The following SYNE1 variants were observed in gnomAD, a reference collection of about 807,000 sequenced individuals.
SYNE1 encodes spectrin repeat containing nuclear envelope protein 1, also known as nesprin-1.
A neutral mutation model predicts 1,111.0 loss-of-function variants in SYNE1; 616 were observed. The observed-to-expected ratio is 0.55, with a 90% CI of 0.52 to 0.59. SYNE1 has a LOEUF of 0.59. Among genes scored for constraint, SYNE1 ranks in the 20% least tolerant of loss-of-function variants. The pLI, the probability that SYNE1 is intolerant of heterozygous loss-of-function variation, is 0.00. For missense variants in SYNE1, 10,006 were observed against 10,417.0 expected, an observed-to-expected ratio of 0.96 and a Z score of 1.72; for synonymous variants, 3,855 against 3,825.8, an observed-to-expected ratio of 1.01 and a Z score of -0.28.
chr6:152,411,151 G>A (rs948249878), intron 42 of SYNE1, among the ~76,000 whole-genome samples: 1 of 152,068 alleles, frequency 6.6e-6, no homozygotes, highest in African/African-American at 2.4e-5. Context: ...AATTGTTCTA[G>A]TACCATTTAT....
chr6:152,448,453 G>A (rs1443027731), intron 28 of SYNE1, among the ~76,000 whole-genome samples: 3 of 152,030 alleles, frequency 2.0e-5, no homozygotes, highest in East Asian at 1.9e-4. Context: ...TTTTTTGTGC[G>A]ATGCAAGCAA....
chr6:152,385,696 TG>T lies in SYNE1; in HGVS notation c.8629del (p.Gln2877ArgfsTer10). ...SDMSGDSSAT[Q>X]KKLSKIKELI... ...GACCTTAATTTTTGATAACTTTTTC[TG>T]GGTGGCTGATGAATCTCCAGACATA... On this transcript the variant is annotated frameshift_variant, in exon 55 of 146. Coordinates refer to ENST00000367255, the MANE Select transcript of SYNE1 (RefSeq NM_182961.4). LOFTEE classifies it high-confidence loss of function. The T allele has an allele frequency of 6.2e-7, 1 of 1,614,172 alleles. No individual in the cohort carries two copies. Among genetic ancestry groups the T allele is most frequent in the Non-Finnish European group, 8.5e-7 (1 of 1,180,004 alleles).
At chr6:152,231,045 G>A (rs555479123) in intron 114 of SYNE1, among the ~76,000 whole-genome samples, 36 of 152,226 alleles carry the variant, frequency 2.4e-4, no homozygotes, top group African/African-American at 7.7e-4. Flanking sequence ...TGCAGCCCGC[G>A]GGCTGGGCAA....
Position 152,214,887 on chromosome 6 carries a change from C to T in SYNE1, c.22346+19G>A. 1 of 1,613,886 alleles carries T rather than the reference C, an allele frequency of 6.2e-7. No homozygotes were observed. The highest frequency in any genetic ancestry group is 1.1e-5 in the South Asian group (1 of 91,082). The stretch of plus-strand genomic sequence containing the variant: ...ACTAAGACAACTGGAGCAACCAAGA[C>T]ATCTCTTGTTTACTCTACCTGAATC... On this transcript the variant is annotated intron_variant, in intron 122 of 145. Transcript: ENST00000367255.
intron 128 of SYNE1, chr6:152,185,335 T>C (rs2635438): frequency 0.063 from 9,541 of 152,384 alleles, 470 homozygotes; most frequent in African/African-American, 0.14. Flanking sequence ...TCAACTGCTT[T>C]GGTCAGAATA....
chr6:152,150,126 T>C (rs1196771739), intron 135 of SYNE1, among the ~76,000 whole-genome samples: 1 of 152,236 alleles, frequency 6.6e-6, no homozygotes, highest in Non-Finnish European at 1.5e-5. Context: ...AGCCATCCAA[T>C]GCCACGCCTT....
At chr6:152,554,608 A>G (rs1564820214) in intron 3 of SYNE1, among the ~76,000 whole-genome samples, 2 of 152,142 alleles carry the variant, frequency 1.3e-5, no homozygotes, top group Admixed American at 1.3e-4. Context: ...TTAACCAACC[A>G]AACTTGGTTG....
intron 3 of SYNE1, among the ~76,000 whole-genome samples, chr6:152,620,971 C>A (rs1413019437): frequency 1.3e-5 from 2 of 152,056 alleles, no homozygotes; most frequent in Non-Finnish European, 2.9e-5. Context: ...TCATATTGTG[C>A]TATAAAGAGC....
chr6:152,632,337 T>C (rs2129017706), intron 2 of SYNE1, among the ~76,000 whole-genome samples: 1 of 152,370 alleles, frequency 6.6e-6, no homozygotes, highest in East Asian at 1.9e-4. Flanking sequence ...ATATCCTTCC[T>C]TTTTCAGACA....
chr6:152,539,904 T>C (rs992732749), intron 4 of SYNE1, 56 bp downstream of exon 4: 1 of 1,565,942 alleles, frequency 6.4e-7, no homozygotes, highest in African/African-American at 1.4e-5. Context: ...ACTGGACATT[T>C]AATGATTTAC....
In SYNE1 at chr6:152,233,937, T is replaced by C. The variant is rs147173664; in HGVS notation, c.20556A>G (p.Gln6852=). ...TCAGAACAGATGATTTCAGGGAAGA[T>C]TGGGCATCCACTTCTTTAGAAAACT... The part of the protein sequence containing the change: ...FLEFSKEVDA[Q]SSLKSSVLST... The change falls in exon 112 of 146, where the codon CAA becomes CAG. Residue 6852 remains glutamine, a synonymous_variant. Coordinates refer to ENST00000367255, the MANE Select transcript of SYNE1 (RefSeq NM_182961.4). 1.3e-5 allele frequency: 21 copies of C among 1,614,062 alleles called. No homozygotes were observed. The highest frequency in any genetic ancestry group is 6.7e-5 in the African/African-American group (5 of 74,944).
At chr6:152,399,259 C>T (rs999296213) in intron 48 of SYNE1, among the ~76,000 whole-genome samples, 1 of 152,104 alleles carries the variant, frequency 6.6e-6, no homozygotes, top group Non-Finnish European at 1.5e-5. Flanking sequence ...TGTGTCACTT[C>T]ATCATAGCAT....
chr6:152,182,796 T>A (rs1348208743), intron 128 of SYNE1, among the ~76,000 whole-genome samples: 1 of 152,152 alleles, frequency 6.6e-6, no homozygotes, highest in African/African-American at 2.4e-5. Flanking sequence ...GTGAGCCCCA[T>A]AACCTACCAT....
chr6:152,529,531 G>A (rs1208988372), intron 4 of SYNE1, among the ~76,000 whole-genome samples: 2 of 151,858 alleles, frequency 1.3e-5, no homozygotes, highest in African/African-American at 4.8e-5. Context: ...TCAGTGTGTT[G>A]GGGGCTCCCA....
In SYNE1 at chr6:152,311,818, C is replaced by G. The variant is rs1291579229; in HGVS notation, c.16711-945G>C. On this transcript the variant is annotated intron_variant, in intron 87 of 145. Transcript: ENST00000367255. ...TGAGACGGAGTCTCGCTCTTTCGCC[C>G]AGGCTGGAGTGCAGTGGCGCAATCT... 2.0e-5 allele frequency among the ~76,000 whole-genome samples: 3 copies of G among 151,650 alleles called. No individual in the cohort carries two copies. In the East Asian group the frequency reaches 5.8e-4, roughly 29 times the overall value.
chr6:152,244,653 T>C lies in SYNE1; in HGVS notation c.19576A>G (p.Ile6526Val). 2 of 1,613,936 alleles carry C rather than the reference T, an allele frequency of 1.2e-6. No individual in the cohort carries two copies. Among genetic ancestry groups the C allele is most frequent in the Non-Finnish European group, 1.7e-6 (2 of 1,179,862 alleles). ...TTGAGTCCATCTTCAGCCTGTTGTATTGCCTAAGTAAGATCCATGACATTT... is the reference window on the plus strand; with the variant it reads ...TTGAGTCCATCTTCAGCCTGTTGTACTGCCTAAGTAAGATCCATGACATTT... ...EQPVAEQIEA[I>V]QQAEDGLKEF... Residue 6526 changes from isoleucine (I) to valine (V), a missense_variant, in exon 106 of 146, where the codon ATA (isoleucine) becomes GTA (valine). By Grantham distance (29) the Ile-to-Val change is conservative. Around this residue, in one of 7 missense-constraint regions of SYNE1, gnomAD observed 2,182 missense variants for 2,287.8 expected, o/e 0.95. Transcript: ENST00000367255.
At chr6:152,549,905 T>C (rs1280111897) in intron 3 of SYNE1, among the ~76,000 whole-genome samples, 2 of 152,236 alleles carry the variant, frequency 1.3e-5, no homozygotes, top group African/African-American at 4.8e-5. Flanking sequence ...TTGCAAAATG[T>C]AGTATCATTT....
chr6:152,151,921 C>T (rs1342459035), intron 134 of SYNE1, 38 bp downstream of exon 134: 6 of 1,610,212 alleles, frequency 3.7e-6, no homozygotes, highest in South Asian at 1.1e-5. Flanking sequence ...CAGTCCCATC[C>T]TCTGGCCTCT....
chr6:152,225,994 A>C, intron 115 of SYNE1, 118 bp from the exon 116 acceptor site: 2 of 1,017,844 alleles, frequency 2.0e-6, no homozygotes, highest in South Asian at 1.5e-5. Flanking sequence ...CAAAAAGCTT[A>C]TCTCTTTCAG....
Sources: gnomAD v4.1 joint callset for allele counts (sites outside exome capture counted in the v4.1 genomes callset) on GRCh38, gnomAD v4.1.1 for gene constraint, gnomAD v4.1.1 regional missense constraint, MANE v1.5 for transcripts, NCBI Gene and HGNC (gene_info 2026-07-23, HGNC 2026-07-21) for gene names.